Variants in PRKCB observed in about 807,000 individuals in gnomAD.
PRKCB encodes protein kinase C beta type.
In PRKCB, 13 loss-of-function variants were observed where a neutral mutation model predicts 81.5. The observed-to-expected ratio is 0.16, with a 90% CI of 0.10 to 0.25. PRKCB has a LOEUF of 0.25. PRKCB is among the 10% of genes least tolerant of loss of function. The probability of loss-of-function intolerance (pLI) is 1.00; values close to 1 mark genes in which losing one functional copy is unlikely to be tolerated. For synonymous variants in PRKCB, 335 were observed against 321.4 expected, an observed-to-expected ratio of 1.04 and a Z score of -0.45; for missense variants, 509 against 875.7, an observed-to-expected ratio of 0.58 and a Z score of 5.29.
intron 16 of PRKCB, among the ~76,000 whole-genome samples, chr16:24,200,668 C>T (rs772635558): frequency 3.3e-5 from 5 of 152,230 alleles, no homozygotes; most frequent in South Asian, 4.2e-4. Flanking sequence ...AGAGAGTATG[C>T]GTGCATGTGT....
intron 2 of PRKCB, among the ~76,000 whole-genome samples, chr16:23,982,102 C>T (rs1203823655): frequency 6.6e-5 from 2 of 30,508 alleles, no homozygotes; most frequent in Non-Finnish European, 1.2e-4. Flanking sequence ...TTCCTTTTCC[C>T]TTCCCTTCCC....
chr16:24,192,264 A>C (rs1442149812), intron 16 of PRKCB, among the ~76,000 whole-genome samples: 1 of 152,242 alleles, frequency 6.6e-6, no homozygotes, highest in Non-Finnish European at 1.5e-5. Flanking sequence ...CAGAGGAGGC[A>C]CTCACAGAGA....
intron 2 of PRKCB, among the ~76,000 whole-genome samples, chr16:23,915,585 T>A (rs1177020554): frequency 6.7e-6 from 1 of 148,844 alleles, no homozygotes; most frequent in East Asian, 2.0e-4. Context: ...CAGCTACTAG[T>A]GGACACTGAA....
At chr16:24,071,436 T>TAAAAAAAAAA (rs398042091) in intron 5 of PRKCB, among the ~76,000 whole-genome samples, 24 of 57,296 alleles carry the variant, frequency 4.2e-4, no homozygotes, top group African/African-American at 1.4e-3. Context: ...AGACCCTGTC[T>TAAAAAAAAAA]AAAAAAAAAA....
At chr16:23,989,898 G>A (rs1451640182) in intron 3 of PRKCB, among the ~76,000 whole-genome samples, 2 of 152,110 alleles carry the variant, frequency 1.3e-5, no homozygotes, top group East Asian at 3.9e-4. Flanking sequence ...GGGAACTGAG[G>A]GGAAGACCTG....
At position 24,218,745 on chromosome 16, in the gene PRKCB, C is replaced by A. The variant is rs1968272366; in HGVS notation, c.*3929C>A. On this transcript the variant is annotated 3_prime_UTR_variant, in exon 17 of 17. Transcript: ENST00000643927. ...TAATGAGTCAGTGAATCCTTACCGA[C>A]CCCCTGGCCTTTATAATCTGAGGCA... The A allele has an allele frequency of 3.0e-6, 3 of 985,314 alleles. No homozygotes were observed. Among genetic ancestry groups the A allele is most frequent in the Non-Finnish European group, 3.6e-6 (3 of 829,982 alleles). 61.0% of individuals were successfully genotyped at this position (985,314 alleles called of 1,614,324 possible).
intron 3 of PRKCB, among the ~76,000 whole-genome samples, chr16:23,990,473 A>C (rs1964870760): frequency 6.6e-6 from 1 of 151,476 alleles, no homozygotes; most frequent in Non-Finnish European, 1.5e-5. Flanking sequence ...AAAAGAAAAA[A>C]AAGAAGCTTT....
intron 10 of PRKCB, among the ~76,000 whole-genome samples, chr16:24,163,339 A>C (rs1296767034): frequency 6.6e-6 from 1 of 152,202 alleles, no homozygotes; most frequent in Non-Finnish European, 1.5e-5. Context: ...GAAACTGGTG[A>C]GAGCTTGGCA....
intron 5 of PRKCB, among the ~76,000 whole-genome samples, chr16:24,075,825 G>A (rs1416284633): frequency 6.6e-6 from 1 of 152,142 alleles, no homozygotes; most frequent in Non-Finnish European, 1.5e-5. Flanking sequence ...AAAAGCAGTG[G>A]TTTTCATACA....
intron 2 of PRKCB, among the ~76,000 whole-genome samples, chr16:23,922,799 A>G (rs1167328050): frequency 1.3e-5 from 2 of 152,178 alleles, no homozygotes; most frequent in Non-Finnish European, 1.5e-5. Flanking sequence ...GGATCAGGAA[A>G]TGTGGTTTGA....
chr16:24,150,545 A>G (rs953190859), intron 9 of PRKCB, among the ~76,000 whole-genome samples: 3 of 152,320 alleles, frequency 2.0e-5, no homozygotes, highest in Admixed American at 6.5e-5. Flanking sequence ...GGTTCTTCTA[A>G]TAACACAGAG....
chr16:24,011,516 G>A (rs1433025875), intron 3 of PRKCB, among the ~76,000 whole-genome samples: 1 of 151,998 alleles, frequency 6.6e-6, no homozygotes, highest in Non-Finnish European at 1.5e-5. Flanking sequence ...GTTTTGTTTT[G>A]TTTTATTTTG....
At chr16:23,919,916 A>G (rs1252422861) in intron 2 of PRKCB, among the ~76,000 whole-genome samples, 1 of 152,188 alleles carries the variant, frequency 6.6e-6, no homozygotes, top group Non-Finnish European at 1.5e-5. Context: ...GGACAGTTGG[A>G]TTGCTCTCAT....
chr16:23,902,318 G>C (rs1344455293), intron 2 of PRKCB, among the ~76,000 whole-genome samples: 2 of 152,114 alleles, frequency 1.3e-5, no homozygotes, highest in Non-Finnish European at 2.9e-5. Context: ...TTTTAGAAAA[G>C]TTGCAAAACA....
At chr16:24,042,743 A>T (rs76634960) in intron 5 of PRKCB, among the ~76,000 whole-genome samples, 1,610 of 144,566 alleles carry the variant, frequency 0.011, 39 homozygotes, top group African/African-American at 0.038. Flanking sequence ...TACATACAAA[A>T]TTTTTTTTTT....
At chr16:24,132,773 T>C (rs444853) in intron 9 of PRKCB, among the ~76,000 whole-genome samples, 54,024 of 142,822 alleles carry the variant, frequency 0.38, 10,070 homozygotes, top group South Asian at 0.48. Context: ...ATTTGGGGCT[T>C]TTTTTTTTTT....
At chr16:24,088,651 C>T (rs1487971534) in intron 5 of PRKCB, among the ~76,000 whole-genome samples, 2 of 150,666 alleles carry the variant, frequency 1.3e-5, no homozygotes, top group Non-Finnish European at 2.9e-5. Context: ...ATCGCTTGAT[C>T]CTGGGAGATC....
chr16:24,010,710 G>T (rs1965192279), intron 3 of PRKCB, among the ~76,000 whole-genome samples: 1 of 152,226 alleles, frequency 6.6e-6, no homozygotes, highest in East Asian at 1.9e-4. Flanking sequence ...GGTGAGCCTG[G>T]AAGCCACTTG....
At chr16:24,041,587 G>T (rs936951103) in intron 5 of PRKCB, among the ~76,000 whole-genome samples, 3 of 151,242 alleles carry the variant, frequency 2.0e-5, no homozygotes, top group African/African-American at 7.3e-5. Context: ...ATTATATTGT[G>T]TTATACAGAA....
Sources: allele counts gnomAD v4.1 joint callset (sites outside exome capture counted in the v4.1 genomes callset), GRCh38; gene constraint gnomAD v4.1.1; transcripts MANE v1.5; gene names NCBI Gene and HGNC (gene_info 2026-07-23, HGNC 2026-07-21).